The following LINGO1 variants were observed in gnomAD, a reference collection of about 807,000 sequenced individuals.
The protein encoded by LINGO1 is leucine-rich repeat and immunoglobulin-like domain-containing nogo receptor-interacting protein 1.
LINGO1 carries 11 observed loss-of-function variants against 37.3 expected under a neutral mutation model. The ratio of observed to expected loss-of-function variants is 0.29; its 90% CI spans 0.19 to 0.49. The LOEUF is 0.49. LINGO1 is among the 20% of genes least tolerant of loss of function. The pLI is 0.99. For missense variants in LINGO1, 585 were observed against 878.2 expected (o/e 0.67, Z 4.22); for synonymous variants, 387 against 403.0 (o/e 0.96, Z 0.48).
intron 1 of LINGO1, among the ~76,000 whole-genome samples, chr15:77,743,818 C>CG (rs1023335828): frequency 6.7e-6 from 1 of 149,794 alleles, no homozygotes; most frequent in African/African-American, 2.5e-5. Flanking sequence ...AGCCAGACTG[C>CG]GGGGGTGGGG....
At chr15:77,655,008 T>C (rs942483096) in intron 3 of LINGO1, among the ~76,000 whole-genome samples, 82 of 152,246 alleles carry the variant, frequency 5.4e-4, no homozygotes, top group Middle Eastern at 6.8e-3. Context: ...TAAAGGAGGC[T>C]TGCCCGTTCA....
chr15:77,617,360 G>A (rs2073763788), intron 1 of LINGO1, among the ~76,000 whole-genome samples: 1 of 150,238 alleles, frequency 6.7e-6, no homozygotes. Context: ...CAGACCCTAG[G>A]AGCTGCTCCA....
chr15:77,810,977 T>C (rs1264677781), intron 1 of LINGO1, among the ~76,000 whole-genome samples: 1 of 151,398 alleles, frequency 6.6e-6, no homozygotes, highest in Admixed American at 6.6e-5. Flanking sequence ...CCCCAGAAGC[T>C]CACCCCCTTG....
chr15:77,766,062 G>A (rs2141392254), intron 1 of LINGO1, among the ~76,000 whole-genome samples: 1 of 152,270 alleles, frequency 6.6e-6, no homozygotes, highest in East Asian at 1.9e-4. Flanking sequence ...GGAATTAACT[G>A]AGGGAATCTC....
At chr15:77,719,002 G>T (rs1038653622) in intron 2 of LINGO1, among the ~76,000 whole-genome samples, 1 of 150,568 alleles carries the variant, frequency 6.6e-6, no homozygotes. Context: ...CTGTGTCTGG[G>T]GCAGAGTGTG....
intron 2 of LINGO1, among the ~76,000 whole-genome samples, chr15:77,721,370 C>A (rs1317283938): frequency 6.6e-6 from 1 of 152,080 alleles, no homozygotes; most frequent in African/African-American, 2.4e-5. Flanking sequence ...CCCACCCTCT[C>A]GGCTCACACA....
chr15:77,616,373 C>T (rs1259629051), intron 1 of LINGO1, among the ~76,000 whole-genome samples: 1 of 152,204 alleles, frequency 6.6e-6, no homozygotes, highest in African/African-American at 2.4e-5. Flanking sequence ...GCAGAGCAAC[C>T]AGGAGTGTGG....
chr15:77,717,217 C>T (rs1199622520), intron 2 of LINGO1, among the ~76,000 whole-genome samples: 1 of 150,760 alleles, frequency 6.6e-6, no homozygotes, highest in Non-Finnish European at 1.5e-5. Flanking sequence ...GCTCTGTCCT[C>T]AATCTGCGCT....
chr15:77,658,816 G>A (rs1348759110), intron 3 of LINGO1, among the ~76,000 whole-genome samples: 1 of 152,222 alleles, frequency 6.6e-6, no homozygotes, highest in Middle Eastern at 3.2e-3. Flanking sequence ...GAAGATCTGG[G>A]GGGCAACAGA....
At chr15:77,755,721 C>T (rs761753290) in intron 1 of LINGO1, among the ~76,000 whole-genome samples, 5 of 152,182 alleles carry the variant, frequency 3.3e-5, no homozygotes, top group African/African-American at 4.8e-5. Context: ...TGGGCACCTA[C>T]TATGTGCTGG....
chr15:77,802,329 T>C (rs192097260), intron 1 of LINGO1, among the ~76,000 whole-genome samples: 1 of 152,162 alleles, frequency 6.6e-6, no homozygotes, highest in Non-Finnish European at 1.5e-5. Flanking sequence ...ACAGCATGTG[T>C]GTGTCTGGAG....
intron 2 of LINGO1, among the ~76,000 whole-genome samples, chr15:77,730,408 C>T (rs2076143014): frequency 6.6e-6 from 1 of 152,222 alleles, no homozygotes; most frequent in South Asian, 2.1e-4. Context: ...GGAGCTGGGA[C>T]TCACGCTATG....
chr15:77,691,982 A>C (rs970201533), intron 1 of LINGO1, among the ~76,000 whole-genome samples: 4 of 152,150 alleles, frequency 2.6e-5, no homozygotes, highest in African/African-American at 7.2e-5. Context: ...TGTTCAGAGA[A>C]AGCAACCACA....
intron 1 of LINGO1, among the ~76,000 whole-genome samples, chr15:77,803,054 G>C (rs543608704): frequency 7.2e-5 from 11 of 152,228 alleles, no homozygotes; most frequent in African/African-American, 2.6e-4. Flanking sequence ...TTCCCCCTGG[G>C]GGATGCCTGT....
At chr15:77,791,845 G>A (rs1207428040), upstream of LINGO1, among the ~76,000 whole-genome samples, 1 of 152,132 alleles carries the variant, frequency 6.6e-6, no homozygotes, top group African/African-American at 2.4e-5. Flanking sequence ...GAGCAGCTGG[G>A]AGGGCGAGCT....
In LINGO1 at chr15:77,773,316, C is replaced by T. The variant is rs565505815; in HGVS notation, c.-257+13553G>A. 1.5e-3 allele frequency among the ~76,000 whole-genome samples: 227 copies of T among 152,258 alleles called. 6 individuals are homozygous for T. In the South Asian group the frequency reaches 0.02, roughly 13 times the overall value. ...GAGCTCTGAGCAATTTCAATTCCAG[C>T]GTTATAACAATGTGGCCAGCATGAA... On this transcript the variant is annotated intron_variant, in intron 1 of 3. Coordinates refer to the LINGO1 transcript ENST00000561686.
chr15:77,740,309 C>T (rs891014689), intron 1 of LINGO1, among the ~76,000 whole-genome samples: 12 of 152,168 alleles, frequency 7.9e-5, no homozygotes, highest in African/African-American at 2.9e-4. Context: ...CAATTAGAGC[C>T]TCTCCCCTGG....
chr15:77,777,535 A>C (rs2076673992), intron 1 of LINGO1, among the ~76,000 whole-genome samples: 1 of 150,992 alleles, frequency 6.6e-6, no homozygotes, highest in Non-Finnish European at 1.5e-5. Flanking sequence ...CACGCCATTC[A>C]CTCTCCCTCC....
chr15:77,776,488 A>AGGAAAGCAGGAAGGCAGGAAG (rs1567577582), intron 1 of LINGO1, among the ~76,000 whole-genome samples: 22 of 90,684 alleles, frequency 2.4e-4, no homozygotes, highest in African/African-American at 9.9e-4. Flanking sequence ...AAGGCAGGAA[A>AGGAAAGCAGGAAGGCAGGAAG]GCAGGAAGGC....
Sources: allele counts gnomAD v4.1 joint callset (sites outside exome capture counted in the v4.1 genomes callset), GRCh38; gene constraint gnomAD v4.1.1; transcripts MANE v1.5; gene names NCBI Gene and HGNC (gene_info 2026-07-23, HGNC 2026-07-21).